LRRC49: variants seen among roughly 807,000 people sequenced by gnomAD.
LRRC49 encodes the protein leucine rich repeat containing 49.
LRRC49 carries 50 observed loss-of-function variants against 83.3 expected under a neutral mutation model. The observed-to-expected ratio is 0.60, with a 90% CI of 0.48 to 0.76. The LOEUF (loss-of-function observed/expected upper bound fraction) is 0.76, where lower values mean the gene tolerates loss of function less well. LRRC49 is among the 30% of genes least tolerant of loss of function. The probability of loss-of-function intolerance (pLI) is 0.00; values close to 1 mark genes in which losing one functional copy is unlikely to be tolerated. For missense variants in LRRC49, 704 were observed against 809.1 expected, an observed-to-expected ratio of 0.87 and a Z score of 1.58; for synonymous variants, 286 against 283.3, an observed-to-expected ratio of 1.01 and a Z score of -0.10.
chr15:70,963,861 G>A lies in LRRC49; in HGVS notation c.850G>A (p.Glu284Lys). ...CTTTGATGGCAATCCCATAGCTCAAGAGTCATGGTACAAACACACTGTCCT... is the reference window on the plus strand; with the variant it reads ...CTTTGATGGCAATCCCATAGCTCAAAAGTCATGGTACAAACACACTGTCCT... ...ITFDGNPIAQ[E>K]SWYKHTVLQN... Residue 284 changes from glutamate (E) to lysine (K), a missense_variant, in exon 9 of 16, where the codon GAG becomes AAG. Around this residue, in one of 3 missense-constraint regions of LRRC49, gnomAD observed 168 missense variants for 140.6 expected, o/e 1.20. Coordinates refer to ENST00000260382, the MANE Select transcript of LRRC49 (RefSeq NM_017691.5). The A allele has an allele frequency of 1.2e-6, 2 of 1,613,652 alleles. No homozygotes were observed. Among genetic ancestry groups the A allele is most frequent in the Non-Finnish European group, 1.7e-6 (2 of 1,179,686 alleles).
chr15:70,998,694 C>T (rs2038156938), intron 11 of LRRC49, among the ~76,000 whole-genome samples: 2 of 151,866 alleles, frequency 1.3e-5, no homozygotes, highest in Non-Finnish European at 2.9e-5. Context: ...GTTCATTGAG[C>T]CTCTTGGATA....
rs2039973122 is a variant in LRRC49 at position 71,050,049 on chromosome 15, A to AC, written c.*437_*438insC. 6.4e-6 allele frequency: 1 copy of AC among 155,312 alleles called. No individual in the cohort carries two copies. The highest frequency in any genetic ancestry group is 1.4e-5 in the Non-Finnish European group (1 of 70,210). 9.6% of individuals were successfully genotyped at this position (155,312 alleles called of 1,614,324 possible). A position where few individuals can be genotyped will look rare whatever the true frequency, so the allele number is the denominator to read the frequency against. On this transcript the variant is annotated 3_prime_UTR_variant, in exon 16 of 16. Coordinates refer to ENST00000260382, the MANE Select transcript of LRRC49 (RefSeq NM_017691.5). ...AATATGTTCTTTTTATGAGTGAAGA[A>AC]TAAACTTACTAACAAATTAGTCAAA...
At chr15:70,923,904 A>G (rs1317707299) in intron 7 of LRRC49, among the ~76,000 whole-genome samples, 1 of 151,900 alleles carries the variant, frequency 6.6e-6, no homozygotes, top group Non-Finnish European at 1.5e-5. Flanking sequence ...ATTTCCTAAA[A>G]ACAAGGAATT....
intron 3 of LRRC49, among the ~76,000 whole-genome samples, chr15:70,899,040 T>A (rs904072853): frequency 1.4e-4 from 22 of 152,226 alleles, no homozygotes; most frequent in African/African-American, 4.3e-4. Context: ...TTGTAAGCAG[T>A]ATATCACATC....
intron 15 of LRRC49, among the ~76,000 whole-genome samples, chr15:71,048,547 T>G (rs1189508152): frequency 2.0e-5 from 3 of 152,218 alleles, no homozygotes; most frequent in South Asian, 2.1e-4. Context: ...TGTGCATTAC[T>G]TCCCTTGTAA....
chr15:70,918,828 A>G (rs1307385221), intron 6 of LRRC49: 1 of 431,814 alleles, frequency 2.3e-6, no homozygotes, highest in Non-Finnish European at 4.1e-6. Context: ...TCAAGTGTTT[A>G]CTATGGTCAA....
intron 11 of LRRC49, among the ~76,000 whole-genome samples, chr15:70,985,942 A>G (rs1344725451): frequency 7.0e-6 from 1 of 143,432 alleles, no homozygotes; most frequent in African/African-American, 2.6e-5. Flanking sequence ...ATAGTTGTAG[A>G]TATGCGGCGT....
intron 1 of LRRC49, among the ~76,000 whole-genome samples, chr15:70,866,678 GA>G (rs2032921237): frequency 6.6e-6 from 1 of 152,122 alleles, no homozygotes; most frequent in Non-Finnish European, 1.5e-5. Flanking sequence ...GATAAGGGTA[GA>G]AAAATATCTG....
chr15:70,918,502 G>A (rs1458495972), intron 6 of LRRC49: 1 of 152,216 alleles, frequency 6.6e-6, no homozygotes, highest in Non-Finnish European at 1.5e-5. Flanking sequence ...TAATGGAACA[G>A]CTTTCCATTA....
chr15:71,028,608 G>C (rs1293918433), intron 14 of LRRC49, among the ~76,000 whole-genome samples: 1 of 152,092 alleles, frequency 6.6e-6, no homozygotes, highest in Non-Finnish European at 1.5e-5. Flanking sequence ...ATTAATTACT[G>C]CCTCAATTTC....
In LRRC49 at chr15:70,983,966, A is replaced by G. The variant is rs2037496886; in HGVS notation, c.1006-128A>G. 7.6e-6 allele frequency: 5 copies of G among 656,378 alleles called. No homozygotes were observed. In the East Asian group the frequency reaches 1.4e-4, roughly 19 times the overall value. 40.7% of individuals were successfully genotyped at this position (656,378 alleles called of 1,614,324 possible). A position where few individuals can be genotyped will look rare whatever the true frequency, so the allele number is the denominator to read the frequency against. On this transcript the variant is annotated intron_variant, in intron 10 of 15. Transcript: ENST00000260382. The stretch of plus-strand genomic sequence containing the variant: ...AATCTTGTTTTAGAATGTATTGGGT[A>G]TCTACTTAAAAGGAACAGGCTCCTT...
intron 13 of LRRC49, among the ~76,000 whole-genome samples, chr15:71,011,116 AT>A (rs1313818959): frequency 6.6e-6 from 1 of 152,088 alleles, no homozygotes; most frequent in Non-Finnish European, 1.5e-5. Context: ...ATGACTTTTA[AT>A]TTCTCCAGCT....
intron 11 of LRRC49, among the ~76,000 whole-genome samples, chr15:71,001,471 T>C (rs1220399007): frequency 6.6e-6 from 1 of 152,220 alleles, no homozygotes; most frequent in Non-Finnish European, 1.5e-5. Flanking sequence ...CTTTTTCTTA[T>C]TTCCAGTGCA....
At chr15:70,869,481 A>T (rs1427319428) in intron 1 of LRRC49, among the ~76,000 whole-genome samples, 1 of 152,194 alleles carries the variant, frequency 6.6e-6, no homozygotes, top group Non-Finnish European at 1.5e-5. Context: ...GTGAGTGTCT[A>T]TCAAACACTG....
At chr15:71,003,658 G>T (rs2038345653) in intron 11 of LRRC49, among the ~76,000 whole-genome samples, 2 of 152,070 alleles carry the variant, frequency 1.3e-5, no homozygotes, top group Admixed American at 6.6e-5. Flanking sequence ...CTAAGTATGA[G>T]GCATAGTTTA....
At chr15:70,957,043 C>G (rs1215207245) in intron 8 of LRRC49, among the ~76,000 whole-genome samples, 1 of 152,154 alleles carries the variant, frequency 6.6e-6, no homozygotes, top group Non-Finnish European at 1.5e-5. Flanking sequence ...GTATACTGGG[C>G]ATACTGTTTT....
chr15:70,922,891 A>C (rs1007074114), intron 7 of LRRC49, among the ~76,000 whole-genome samples: 6 of 152,012 alleles, frequency 3.9e-5, no homozygotes, highest in African/African-American at 1.2e-4. Flanking sequence ...GATATCCCCA[A>C]AATAATAGGA....
rs769228693 is a variant in LRRC49, at chr15:70,892,878, C to T, written c.-17C>T. On this transcript the variant is annotated 5_prime_UTR_variant, in exon 1 of 16. Transcript: ENST00000260382. Reference sequence around the variant, plus strand: ...CTGGAAGGCAGATCTAACAGAGAACCTGGACTGTCTCCTATCATGATTCCC... The same window carrying T: ...CTGGAAGGCAGATCTAACAGAGAACTTGGACTGTCTCCTATCATGATTCCC... The T allele has an allele frequency of 1.2e-5, 19 of 1,614,080 alleles. No individual in the cohort carries two copies. Among genetic ancestry groups the T allele is most frequent in the African/African-American group, 5.3e-5 (4 of 74,934 alleles).
intron 8 of LRRC49, among the ~76,000 whole-genome samples, chr15:70,951,159 T>C (rs1361610107): frequency 2.0e-5 from 3 of 152,166 alleles, no homozygotes; most frequent in Non-Finnish European, 4.4e-5. Context: ...TCAGTTACTG[T>C]AGCTTTGTAA....
Sources: gnomAD v4.1 joint callset for allele counts (sites outside exome capture counted in the v4.1 genomes callset) on GRCh38, gnomAD v4.1.1 for gene constraint, gnomAD v4.1.1 regional missense constraint, MANE v1.5 for transcripts, NCBI Gene and HGNC (gene_info 2026-07-23, HGNC 2026-07-21) for gene names.